Variants in SLC14A2 observed in about 807,000 individuals in gnomAD.
SLC14A2 encodes the protein solute carrier family 14 member 2.
Under a neutral mutation model 104.6 loss-of-function variants are expected in SLC14A2, and 91 were observed. The observed-to-expected ratio is 0.87, with a 90% CI of 0.73 to 1.04. The LOEUF (loss-of-function observed/expected upper bound fraction) is 1.04. SLC14A2 is among the 50% of genes least tolerant of loss of function. The probability of loss-of-function intolerance (pLI) is 0.00; values close to 1 mark genes in which losing one functional copy is unlikely to be tolerated. For missense variants in SLC14A2, 1,189 were observed against 1,156.0 expected (o/e 1.03, Z -0.41); for synonymous variants, 476 against 466.4 (o/e 1.02, Z -0.27).
intron 1 of SLC14A2, among the ~76,000 whole-genome samples, chr18:45,456,381 T>C (rs113443088): frequency 1.7e-3 from 254 of 152,336 alleles, no homozygotes; most frequent in Non-Finnish European, 3.0e-3. Context: ...TTTGTCCTCT[T>C]ATCCATTTTA....
chr18:45,273,473 T>C (rs1377357747), intron 1 of SLC14A2, among the ~76,000 whole-genome samples: 1 of 152,240 alleles, frequency 6.6e-6, no homozygotes, highest in Admixed American at 6.5e-5. Flanking sequence ...AGGTAAGAAT[T>C]TCCCAGGAGA....
chr18:45,538,568 GAC>G (rs2043833714), intron 2 of SLC14A2, among the ~76,000 whole-genome samples: 1 of 152,188 alleles, frequency 6.6e-6, no homozygotes, highest in East Asian at 1.9e-4. Flanking sequence ...TAGGACTGCT[GAC>G]ACAACATAAC....
intron 3 of SLC14A2, among the ~76,000 whole-genome samples, chr18:45,626,376 C>T (rs986551083): frequency 3.9e-5 from 6 of 152,192 alleles, no homozygotes; most frequent in Non-Finnish European, 8.8e-5. Flanking sequence ...GCCCCGACAC[C>T]TGCACCAGTT....
chr18:45,560,130 T>C (rs2044182622), intron 2 of SLC14A2, among the ~76,000 whole-genome samples: 1 of 152,220 alleles, frequency 6.6e-6, no homozygotes, highest in Non-Finnish European at 1.5e-5. Context: ...CCTGCATTTG[T>C]CTGGCATCTA....
At chr18:45,246,505 C>CT (rs1300105774) in intron 1 of SLC14A2, among the ~76,000 whole-genome samples, 1 of 152,138 alleles carries the variant, frequency 6.6e-6, no homozygotes. Flanking sequence ...TTTAAACTGT[C>CT]TTTTCATAGG....
chr18:45,372,231 G>T (rs1467033612), intron 1 of SLC14A2, among the ~76,000 whole-genome samples: 2 of 152,056 alleles, frequency 1.3e-5, no homozygotes, highest in African/African-American at 4.8e-5. Context: ...AGAATCGCTT[G>T]AGCCCAGGAG....
At chr18:45,283,077 A>G (rs1176144742) in intron 1 of SLC14A2, among the ~76,000 whole-genome samples, 2 of 152,202 alleles carry the variant, frequency 1.3e-5, no homozygotes, top group Non-Finnish European at 2.9e-5. Flanking sequence ...AGAACGAATC[A>G]TTACCCCACA....
At chr18:45,184,741 T>C in the SLC14A2 span, among the ~76,000 whole-genome samples, 1 of 152,220 alleles carries the variant, frequency 6.6e-6, no homozygotes. Context: ...ATAATCTAAC[T>C]TTATAATGGA....
intron 1 of SLC14A2, among the ~76,000 whole-genome samples, chr18:45,299,775 T>A (rs1286224642): frequency 1.3e-5 from 2 of 152,170 alleles, no homozygotes; most frequent in Non-Finnish European, 2.9e-5. Flanking sequence ...CCGTCTTACT[T>A]TAAAATGCAG....
chr18:45,443,545 T>C (rs1598824010), intron 1 of SLC14A2, among the ~76,000 whole-genome samples: 1 of 152,092 alleles, frequency 6.6e-6, no homozygotes, highest in East Asian at 1.9e-4. Flanking sequence ...AATTTCTTGA[T>C]GGCCATCTTG....
At chr18:45,471,770 C>A (rs1164524068) in intron 1 of SLC14A2, among the ~76,000 whole-genome samples, 2 of 152,000 alleles carry the variant, frequency 1.3e-5, no homozygotes, top group East Asian at 3.9e-4. Flanking sequence ...TCTGCTAGCT[C>A]ATTTTTTGCT....
At chr18:45,220,977 G>T (rs943491435) in intron 1 of SLC14A2, among the ~76,000 whole-genome samples, 1 of 152,084 alleles carries the variant, frequency 6.6e-6, no homozygotes, top group African/African-American at 2.4e-5. Context: ...TTCTTCTTCT[G>T]TTAAGGACAC....
chr18:45,672,295 C>G (rs1402228494), intron 16 of SLC14A2, among the ~76,000 whole-genome samples: 1 of 152,054 alleles, frequency 6.6e-6, no homozygotes, highest in East Asian at 1.9e-4. Flanking sequence ...TTTGGGAGAC[C>G]AAGGCAGGCG....
At chr18:45,477,765 G>T (rs1245806162) in intron 1 of SLC14A2, among the ~76,000 whole-genome samples, 3 of 152,168 alleles carry the variant, frequency 2.0e-5, no homozygotes, top group African/African-American at 4.8e-5. Context: ...AAACTTCCTG[G>T]TGGCGTTGTT....
At chr18:45,219,770 T>C (rs888109698) in intron 1 of SLC14A2, among the ~76,000 whole-genome samples, 3 of 152,178 alleles carry the variant, frequency 2.0e-5, no homozygotes, top group African/African-American at 7.2e-5. Context: ...ACCAGTGTTA[T>C]TGAGGGACAG....
rs34543837 is a variant in SLC14A2 at position 45,500,576 on chromosome 18, C to CAA, written c.-35+17273_-35+17274dup. 7.4e-3 allele frequency among the ~76,000 whole-genome samples: 691 copies of CAA among 93,252 alleles called. 7 individuals carry two copies. The highest frequency in any genetic ancestry group is 0.013 in the East Asian group (44 of 3,400). 61.2% of individuals were successfully genotyped at this position (93,252 alleles called of 152,430 possible). On this transcript the variant is annotated intron_variant, in intron 2 of 20. Transcript: ENST00000586448. ...TGGGCGACAGAGCGAGACTCCGTCT[C>CAA]AAAAAAAAAAAAAAAAAAAAGAAAT...
intron 1 of SLC14A2, among the ~76,000 whole-genome samples, chr18:45,275,869 T>C (rs1180376266): frequency 6.6e-6 from 1 of 152,176 alleles, no homozygotes; most frequent in Non-Finnish European, 1.5e-5. Context: ...AATAAATCAA[T>C]GCAAAATATG....
intron 1 of SLC14A2, among the ~76,000 whole-genome samples, chr18:45,222,958 C>T (rs1194425712): frequency 6.6e-6 from 1 of 152,170 alleles, no homozygotes; most frequent in African/African-American, 2.4e-5. Flanking sequence ...TGCAGGGCCT[C>T]AGGCACCCCA....
chr18:45,223,934 C>T (rs2084088729), intron 1 of SLC14A2, among the ~76,000 whole-genome samples: 1 of 152,190 alleles, frequency 6.6e-6, no homozygotes, highest in Admixed American at 6.5e-5. Context: ...ATTATGTCAG[C>T]TTCTGAGAAG....
Sources: allele counts gnomAD v4.1 joint callset (sites outside exome capture counted in the v4.1 genomes callset), GRCh38; gene constraint gnomAD v4.1.1; transcripts MANE v1.5; gene names NCBI Gene and HGNC (gene_info 2026-07-23, HGNC 2026-07-21).